The following ZNF236 variants were observed in gnomAD, a reference collection of about 807,000 sequenced individuals.
ZNF236 encodes zinc finger protein 236.
Under a neutral mutation model 191.2 loss-of-function variants are expected in ZNF236, and 50 were observed. The ratio of observed to expected loss-of-function variants is 0.26; its 90% confidence interval spans 0.21 to 0.33. The LOEUF (loss-of-function observed/expected upper bound fraction) is 0.33. ZNF236 is among the 10% of genes least tolerant of loss of function. The pLI is 1.00. For synonymous variants in ZNF236, 907 were observed against 928.8 expected, an observed-to-expected ratio of 0.98 and a Z score of 0.43; for missense variants, 1,754 against 2,374.5, an observed-to-expected ratio of 0.74 and a Z score of 5.43.
rs1168934901 is a variant in ZNF236, at chr18:76,881,498, C to G, written c.1403C>G (p.Ser468Ter). The change falls in exon 9 of 31, where the codon TCA becomes TGA. Residue 468 changes from serine to a stop codon, truncating the protein, a stop_gained. Coordinates refer to ENST00000320610, the MANE Select transcript of ZNF236 (RefSeq NM_001306089.2). LOFTEE classifies it high-confidence loss of function. ...KKEKKMIKKK[S>*]PFLPGSIREE... ...GAAAAAAAAATGATAAAGAAGAAGT[C>G]ACCGTTTCTACCTGGTAATTTTCCT... is the stretch of plus-strand genomic sequence containing the variant. 2 of 1,611,430 alleles carry G rather than the reference C, an allele frequency of 1.2e-6. No homozygotes were observed. Among genetic ancestry groups the G allele is most frequent in the African/African-American group, 2.7e-5 (2 of 74,550 alleles).
intron 30 of ZNF236, among the ~76,000 whole-genome samples, chr18:76,965,773 GTT>G (rs1289104515): frequency 6.6e-6 from 1 of 152,246 alleles, no homozygotes; most frequent in Non-Finnish European, 1.5e-5. Flanking sequence ...ACCGGTGCCT[GTT>G]CCGGTGGAGA....
intron 30 of ZNF236, among the ~76,000 whole-genome samples, chr18:76,963,338 G>T (rs925504504): frequency 2.6e-5 from 4 of 152,112 alleles, no homozygotes; most frequent in African/African-American, 9.7e-5. Context: ...TGATCATGTG[G>T]TTTTTGTTTT....
At chr18:76,928,130 A>T in intron 25 of ZNF236, 24 bp downstream of exon 25, 1 of 1,587,194 alleles carries the variant, frequency 6.3e-7, no homozygotes, top group Non-Finnish European at 8.6e-7. Context: ...AATTTTAAAC[A>T]TCTTTTCACC....
intron 1 of ZNF236, among the ~76,000 whole-genome samples, chr18:76,831,855 A>G (rs73485074): frequency 0.045 from 6,783 of 152,252 alleles, 453 homozygotes; most frequent in African/African-American, 0.15. Flanking sequence ...TCTTTGGTGA[A>G]GGGCTGTATG....
chr18:76,949,825 A>G (rs1391959807), intron 27 of ZNF236, among the ~76,000 whole-genome samples: 1 of 151,800 alleles, frequency 6.6e-6, no homozygotes, highest in Non-Finnish European at 1.5e-5. Context: ...CACCTGGCTA[A>G]TTTTTGTATT....
At chr18:76,844,990 C>T (rs1416372571) in intron 1 of ZNF236, among the ~76,000 whole-genome samples, 1 of 152,102 alleles carries the variant, frequency 6.6e-6, no homozygotes, top group Non-Finnish European at 1.5e-5. Context: ...TATTGGCAGG[C>T]CCTTGTCCTA....
At chr18:76,836,362 A>G (rs889157903) in intron 1 of ZNF236, among the ~76,000 whole-genome samples, 6 of 152,004 alleles carry the variant, frequency 3.9e-5, no homozygotes, top group African/African-American at 1.5e-4. Flanking sequence ...CTGGGACTAC[A>G]GGTGCCCACC....
At chr18:76,956,236 C>A in intron 28 of ZNF236, 54 bp downstream of exon 28, 1 of 1,530,696 alleles carries the variant, frequency 6.5e-7, no homozygotes. Flanking sequence ...GCTAGAGATG[C>A]GGAGTCCAAG....
intron 1 of ZNF236, among the ~76,000 whole-genome samples, chr18:76,841,349 G>A (rs2122457679): frequency 6.6e-6 from 1 of 152,336 alleles, no homozygotes; most frequent in East Asian, 1.9e-4. Context: ...TTGGATTACA[G>A]GCGTGAGCCT....
chr18:76,956,688 G>T (rs1026053707), intron 28 of ZNF236, among the ~76,000 whole-genome samples: 3 of 152,228 alleles, frequency 2.0e-5, no homozygotes, highest in Non-Finnish European at 2.9e-5. Context: ...GCACAGTGGA[G>T]ACCTGAGTGC....
At chr18:76,869,920 C>T (rs576771111) in intron 4 of ZNF236, among the ~76,000 whole-genome samples, 2 of 152,286 alleles carry the variant, frequency 1.3e-5, no homozygotes, top group East Asian at 3.9e-4. Context: ...CGTGCCACTG[C>T]ACTCCAGCCT....
chr18:76,925,952 A>G lies in ZNF236; in HGVS notation c.4027+398A>G, dbSNP rs1200123230. Among the ~76,000 whole-genome samples the G allele has an allele frequency of 1.3e-5, 2 of 152,158 alleles. No individual in the cohort carries two copies. Among genetic ancestry groups the G allele is most frequent in the African/African-American group, 4.8e-5 (2 of 41,418 alleles). On this transcript the variant is annotated intron_variant, in intron 22 of 30. Coordinates refer to ENST00000320610, the MANE Select transcript of ZNF236 (RefSeq NM_001306089.2). This position sits in a 1 kb window ranked among gnomAD's most constrained non-coding sequence, Gnocchi z 5.7. Reference sequence around the variant, plus strand: ...TCTCATAGTGCTTGAGAAGTGTTACATTTTAGCTAGTTGTGTTGATTTGTG... The same window carrying G: ...TCTCATAGTGCTTGAGAAGTGTTACGTTTTAGCTAGTTGTGTTGATTTGTG...
chr18:76,894,219 C>T (rs941240059), intron 9 of ZNF236, among the ~76,000 whole-genome samples: 1 of 152,208 alleles, frequency 6.6e-6, no homozygotes, highest in African/African-American at 2.4e-5. Context: ...CAGAAATAAA[C>T]AATTCATAAG....
chr18:76,833,914 C>T (rs1170562308), intron 1 of ZNF236, among the ~76,000 whole-genome samples: 1 of 152,138 alleles, frequency 6.6e-6, no homozygotes, highest in East Asian at 1.9e-4. Flanking sequence ...TTGTCTTGAA[C>T]TCCTAGGTTC....
At chr18:76,822,929 T>C (rs898575062) in intron 1 of ZNF236, among the ~76,000 whole-genome samples, 3 of 145,882 alleles carry the variant, frequency 2.1e-5, no homozygotes, top group East Asian at 2.1e-4. Flanking sequence ...GGGAGGCGGG[T>C]GAGGGAGCAG....
At chr18:76,940,250 G>A (rs1174297207) in intron 26 of ZNF236, among the ~76,000 whole-genome samples, 3 of 145,586 alleles carry the variant, frequency 2.1e-5, no homozygotes, top group Non-Finnish European at 3.0e-5. Context: ...TTGGGAACAC[G>A]GTGGGCGACC....
Position 76,968,537 on chromosome 18 carries a change from C to T in ZNF236, c.*198C>T. 1.5e-6 allele frequency: 2 copies of T among 1,351,034 alleles called. No individual in the cohort carries two copies. The highest frequency in any genetic ancestry group is 7.5e-5 in the Admixed American group (2 of 26,700). The allele number at this position is 1,351,034 out of a possible 1,614,324, so 83.7% of individuals were successfully genotyped here. A position where few individuals can be genotyped will look rare whatever the true frequency, so the allele number is the denominator to read the frequency against. ...CTAGGAAAAGTGTCACCGCATTGTT[C>T]TCTTTTGTCTACAAATCACTGAACT... On this transcript the variant is annotated 3_prime_UTR_variant, in exon 31 of 31. Transcript: ENST00000320610.
At chr18:76,926,608 T>C (rs1308969202) in intron 22 of ZNF236, among the ~76,000 whole-genome samples, 1 of 150,650 alleles carries the variant, frequency 6.6e-6, no homozygotes, top group African/African-American at 2.4e-5. Flanking sequence ...TGTGTATATA[T>C]GGTATAAAGG....
At chr18:76,836,720 G>A (rs1261608491) in intron 1 of ZNF236, among the ~76,000 whole-genome samples, 1 of 151,760 alleles carries the variant, frequency 6.6e-6, no homozygotes, top group Non-Finnish European at 1.5e-5. Flanking sequence ...TGGAGCTACA[G>A]GCGCCCGCCA....
Sources: gnomAD v4.1 joint callset for allele counts (sites outside exome capture counted in the v4.1 genomes callset) on GRCh38, gnomAD v4.1.1 for gene constraint, Gnocchi (gnomAD v3.1) non-coding constraint, MANE v1.5 for transcripts, NCBI Gene and HGNC (gene_info 2026-07-23, HGNC 2026-07-21) for gene names.